The following ZBTB20 variants were observed in gnomAD, a reference collection of about 807,000 sequenced individuals.
ZBTB20 encodes the protein zinc finger and BTB domain containing 20, also known as zinc finger and BTB domain-containing protein 20.
A neutral mutation model predicts 56.9 loss-of-function variants in ZBTB20; 9 were observed. The observed-to-expected ratio is 0.16, with a 90% CI of 0.10 to 0.28. The LOEUF is 0.28. ZBTB20 is among the 10% of genes least tolerant of loss of function. The pLI is 1.00. For synonymous variants in ZBTB20, 417 were observed against 420.7 expected, an observed-to-expected ratio of 0.99 and a Z score of 0.11; for missense variants, 655 against 1,003.0, an observed-to-expected ratio of 0.65 and a Z score of 4.69.
In ZBTB20 at chr3:114,889,122, T is replaced by C. The variant is rs9820053; in HGVS notation, c.-417+11182A>G. ...TACACAAATATGAATGTGTGAAATA[T>C]CTATTCACACATTTTTACCCTAATG... On this transcript the variant is annotated intron_variant, in intron 4 of 11. Coordinates refer to ENST00000675478, the MANE Select transcript of ZBTB20 (RefSeq NM_001348800.3). Among the ~76,000 whole-genome samples the C allele has an allele frequency of 5.0e-3, 763 of 152,068 alleles. 5 individuals are homozygous for C. The highest frequency in any genetic ancestry group is 0.017 in the African/African-American group (714 of 41,538).
chr3:114,634,262 T>G (rs1280674085), intron 6 of ZBTB20, among the ~76,000 whole-genome samples: 1 of 152,140 alleles, frequency 6.6e-6, no homozygotes, highest in Non-Finnish European at 1.5e-5. Flanking sequence ...ATCACTGAAT[T>G]AAAACAAAAT....
At chr3:115,131,672 CAA>C (rs769719186) in intron 1 of ZBTB20, among the ~76,000 whole-genome samples, 4 of 152,132 alleles carry the variant, frequency 2.6e-5, no homozygotes, top group Non-Finnish European at 5.9e-5. Flanking sequence ...AAATCATATG[CAA>C]ATTATAATTT....
intron 6 of ZBTB20, among the ~76,000 whole-genome samples, chr3:114,651,065 A>G (rs2060104289): frequency 6.6e-6 from 1 of 152,118 alleles, no homozygotes; most frequent in Non-Finnish European, 1.5e-5. Flanking sequence ...GTAAATATTC[A>G]GTGTATCAAA....
chr3:114,441,653 C>A (rs1202008666), intron 7 of ZBTB20, among the ~76,000 whole-genome samples: 1 of 152,226 alleles, frequency 6.6e-6, no homozygotes, highest in Non-Finnish European at 1.5e-5. Flanking sequence ...CTCTGTTGTA[C>A]CACTACATTT....
chr3:114,643,421 C>T (rs2059661734), intron 6 of ZBTB20, among the ~76,000 whole-genome samples: 1 of 152,040 alleles, frequency 6.6e-6, no homozygotes, highest in Non-Finnish European at 1.5e-5. Flanking sequence ...GGACTGGGAA[C>T]TGATATAGGA....
At chr3:114,957,762 T>C (rs2107952140) in intron 3 of ZBTB20, among the ~76,000 whole-genome samples, 1 of 152,202 alleles carries the variant, frequency 6.6e-6, no homozygotes, top group Admixed American at 6.5e-5. Flanking sequence ...AGACAAAAGG[T>C]TGCTAGCTCA....
chr3:114,380,457 G>A, intron 9 of ZBTB20, 53 bp from the exon 10 acceptor site: 5 of 1,454,900 alleles, frequency 3.4e-6, no homozygotes, highest in Non-Finnish European at 4.5e-6. Flanking sequence ...TTTGGGAAAA[G>A]GCATTTTTAG....
At chr3:114,683,888 C>T (rs1169654847) in intron 6 of ZBTB20, among the ~76,000 whole-genome samples, 1 of 152,040 alleles carries the variant, frequency 6.6e-6, no homozygotes, top group Non-Finnish European at 1.5e-5. Context: ...AGGATTCTGA[C>T]AGCCATATCT....
At chr3:115,113,114 T>C (rs1259239492) in intron 1 of ZBTB20, among the ~76,000 whole-genome samples, 1 of 152,224 alleles carries the variant, frequency 6.6e-6, no homozygotes, top group Admixed American at 6.5e-5. Context: ...TGTCTACTCA[T>C]GTCCTTTGCC....
At chr3:114,927,392 A>G in intron 3 of ZBTB20, among the ~76,000 whole-genome samples, 1 of 152,320 alleles carries the variant, frequency 6.6e-6, no homozygotes, top group African/African-American at 2.4e-5. Flanking sequence ...CATGTTATCA[A>G]AACCTCCTGA....
chr3:114,694,277 G>A (rs1288055128), intron 5 of ZBTB20, among the ~76,000 whole-genome samples: 1 of 151,986 alleles, frequency 6.6e-6, no homozygotes, highest in African/African-American at 2.4e-5. Flanking sequence ...CTTCTACTGT[G>A]GAGCAACAAA....
rs533825604 is a variant in ZBTB20 at position 114,554,597 on chromosome 3, G to A, written c.-294-54206C>T. Among the ~76,000 whole-genome samples, 697 of 152,280 alleles carry A rather than the reference G, an allele frequency of 4.6e-3. 8 individuals are homozygous for A. Among genetic ancestry groups the A allele is most frequent in the Middle Eastern group, 0.027 (8 of 294 alleles). On this transcript the variant is annotated intron_variant, in intron 6 of 11. Transcript: ENST00000675478. ...ATAAATTATTCTCATAAAAGGTGAT[G>A]CATATGAATAAATGTCAAATCCTTC... is the stretch of plus-strand genomic sequence containing the variant.
At chr3:114,594,131 C>A (rs543108470) in intron 6 of ZBTB20, among the ~76,000 whole-genome samples, 1 of 152,032 alleles carries the variant, frequency 6.6e-6, no homozygotes, top group African/African-American at 2.4e-5. Context: ...AAGAAGAATC[C>A]AAATCTTGCC....
intron 2 of ZBTB20, among the ~76,000 whole-genome samples, chr3:114,986,300 G>A (rs2078540641): frequency 6.6e-6 from 1 of 151,972 alleles, no homozygotes; most frequent in Non-Finnish European, 1.5e-5. Context: ...AGCTTTCTCT[G>A]CATATTTTAT....
At chr3:114,390,053 C>T (rs74891616) in intron 7 of ZBTB20, among the ~76,000 whole-genome samples, 118 of 152,166 alleles carry the variant, frequency 7.8e-4, no homozygotes, top group African/African-American at 1.8e-3. Context: ...CCTGTCTAAC[C>T]GAAATTTTGT....
chr3:114,507,357 C>T (rs2044756625), intron 6 of ZBTB20, among the ~76,000 whole-genome samples: 2 of 152,092 alleles, frequency 1.3e-5, no homozygotes, highest in African/African-American at 4.8e-5. Flanking sequence ...TCCCCTTTGC[C>T]ACTCAGGTAT....
intron 7 of ZBTB20, among the ~76,000 whole-genome samples, chr3:114,461,851 T>C (rs1017055759): frequency 2.6e-5 from 4 of 152,190 alleles, no homozygotes; most frequent in African/African-American, 9.7e-5. Flanking sequence ...AAAGCCTAGC[T>C]GAGAACAATT....
At chr3:114,469,193 GC>G (rs1323767835) in intron 7 of ZBTB20, among the ~76,000 whole-genome samples, 1 of 152,038 alleles carries the variant, frequency 6.6e-6, no homozygotes, top group Non-Finnish European at 1.5e-5. Context: ...TAAAGAAAGG[GC>G]AAGACGGTGT....
intron 6 of ZBTB20, among the ~76,000 whole-genome samples, chr3:114,627,398 C>T (rs993962044): frequency 5.3e-5 from 8 of 152,168 alleles, no homozygotes; most frequent in African/African-American, 1.4e-4. Flanking sequence ...AAAAGTCCCA[C>T]ATATGGCCCA....
Sources: allele counts gnomAD v4.1 joint callset (sites outside exome capture counted in the v4.1 genomes callset), GRCh38; gene constraint gnomAD v4.1.1; transcripts MANE v1.5; gene names NCBI Gene and HGNC (gene_info 2026-07-23, HGNC 2026-07-21).